The following TAMM41 variants were observed in gnomAD, a reference collection of about 807,000 sequenced individuals.
TAMM41 encodes the protein TAM41 mitochondrial translocator assembly and maintenance homolog.
Under a neutral mutation model 44.1 loss-of-function variants are expected in TAMM41, and 36 were observed. The ratio of observed to expected loss-of-function variants is 0.82; its 90% CI spans 0.63 to 1.08. The LOEUF (loss-of-function observed/expected upper bound fraction) is 1.08. TAMM41 is among the 50% of genes least tolerant of loss of function. The probability of loss-of-function intolerance (pLI) is 0.00; values close to 1 mark genes in which losing one functional copy is unlikely to be tolerated. For missense variants in TAMM41, 417 were observed against 404.3 expected (o/e 1.03, Z -0.27); for synonymous variants, 164 against 153.1 (o/e 1.07, Z -0.53).
chr3:11,766,344 T>G, the TAMM41 span, among the ~76,000 whole-genome samples: 1 of 151,998 alleles, frequency 6.6e-6, no homozygotes, highest in Admixed American at 6.6e-5. Flanking sequence ...TTCTGTATTT[T>G]TTTGTAGAGA....
At chr3:11,812,072 C>G (rs540490080) in intron 5 of TAMM41, among the ~76,000 whole-genome samples, 2 of 152,182 alleles carry the variant, frequency 1.3e-5, no homozygotes, top group African/African-American at 4.8e-5. Flanking sequence ...GGATTACAGG[C>G]GCACACCACC....
intron 5 of TAMM41, among the ~76,000 whole-genome samples, chr3:11,812,617 C>T (rs75743453): frequency 0.064 from 9,752 of 152,230 alleles, 543 homozygotes; most frequent in African/African-American, 0.14. Context: ...ACATAGTAAG[C>T]ATCCCATTAA....
the TAMM41 span, among the ~76,000 whole-genome samples, chr3:11,759,362 C>T: frequency 7.6e-4 from 116 of 151,836 alleles, no homozygotes; most frequent in African/African-American, 2.7e-3. Flanking sequence ...AGGCACTGCA[C>T]GAGGCCCTGT....
downstream of TAMM41, among the ~76,000 whole-genome samples, chr3:11,787,382 T>C (rs1025917392): frequency 3.9e-5 from 6 of 152,208 alleles, no homozygotes; most frequent in African/African-American, 1.4e-4. Context: ...GGTGTGGGCT[T>C]GTAAGTTCCA....
chr3:11,745,084 A>C, the TAMM41 span, among the ~76,000 whole-genome samples: 1 of 152,160 alleles, frequency 6.6e-6, no homozygotes, highest in Admixed American at 6.5e-5. Context: ...GCTGGTCTCC[A>C]ACTCCTGAAC....
chr3:11,792,871 C>A (rs1489958485), intron 7 of TAMM41, among the ~76,000 whole-genome samples: 1 of 151,988 alleles, frequency 6.6e-6, no homozygotes, highest in Non-Finnish European at 1.5e-5. Context: ...ACCAACCTGG[C>A]CAACATGGTG....
chr3:11,727,879 C>T, the TAMM41 span, among the ~76,000 whole-genome samples: 6 of 151,074 alleles, frequency 4.0e-5, no homozygotes, highest in African/African-American at 7.3e-5. Context: ...CTCCGCCTCC[C>T]GGGTTCAAGT....
At chr3:11,805,666 A>T (rs1401284369) in intron 7 of TAMM41, among the ~76,000 whole-genome samples, 2 of 152,216 alleles carry the variant, frequency 1.3e-5, no homozygotes, top group Non-Finnish European at 2.9e-5. Flanking sequence ...TGAGACACTG[A>T]GAGGTGTGAC....
intron 2 of TAMM41, among the ~76,000 whole-genome samples, chr3:11,841,073 ATTTTTTTTTTTTTTTTTT>A (rs141805597): frequency 1.2e-5 from 1 of 83,964 alleles, no homozygotes; most frequent in African/African-American, 4.4e-5. Context: ...GCCCATTTCT[ATTTTTTTTTTTTTTTTTT>A]TTTTTTTTTG....
chr3:11,777,913 T>TAAGCCCCC, the TAMM41 span, among the ~76,000 whole-genome samples: 1 of 152,140 alleles, frequency 6.6e-6, no homozygotes, highest in African/African-American at 2.4e-5. Context: ...GCTTCACTCC[T>TAAGCCCCC]AAGCCCCCAA....
At chr3:11,741,349 C>T in the TAMM41 span, among the ~76,000 whole-genome samples, 1 of 149,524 alleles carries the variant, frequency 6.7e-6, no homozygotes. Context: ...TGAATTCACT[C>T]CTTTAAGCAC....
At chr3:11,827,134 G>C (rs1390118107) in intron 4 of TAMM41, among the ~76,000 whole-genome samples, 1 of 152,110 alleles carries the variant, frequency 6.6e-6, no homozygotes, top group African/African-American at 2.4e-5. Context: ...TAATTTGCTT[G>C]ATAAATATTA....
chr3:11,823,107 T>C (rs1270479114), intron 4 of TAMM41, among the ~76,000 whole-genome samples: 1 of 152,226 alleles, frequency 6.6e-6, no homozygotes, highest in Non-Finnish European at 1.5e-5. Context: ...TTTGTATTGA[T>C]GTTTCCATTT....
chr3:11,756,883 A>T, the TAMM41 span, among the ~76,000 whole-genome samples: 1 of 151,868 alleles, frequency 6.6e-6, no homozygotes, highest in South Asian at 2.1e-4. Context: ...AAAAAAAGAA[A>T]AAAGAAATCC....
chr3:11,846,488 C>A lies in TAMM41; in HGVS notation c.135+14G>T. The stretch of plus-strand genomic sequence containing the variant: ...GAACAGACAGTTCCCCGTCGTGGGG[C>A]TGCCCGGGCTCACCTTCTGGTCTGA... On this transcript the variant is annotated intron_variant, in intron 1 of 7. Coordinates refer to ENST00000455809, the MANE Select transcript of TAMM41 (RefSeq NM_001284401.2). The A allele has an allele frequency of 6.2e-7, 1 of 1,614,056 alleles. No homozygotes were observed. Among genetic ancestry groups the A allele is most frequent in the Non-Finnish European group, 8.5e-7 (1 of 1,179,968 alleles).
chr3:11,756,937 A>G, the TAMM41 span, among the ~76,000 whole-genome samples: 1 of 152,124 alleles, frequency 6.6e-6, no homozygotes, highest in African/African-American at 2.4e-5. Flanking sequence ...AATGGACTCC[A>G]TTTCCTGTCA....
chr3:11,829,661 C>T, intron 4 of TAMM41, 53 bp downstream of exon 4: 2 of 1,599,192 alleles, frequency 1.3e-6, no homozygotes, highest in Non-Finnish European at 1.7e-6. Context: ...TATCCGCAGT[C>T]TTCAAATATA....
intron 7 of TAMM41, among the ~76,000 whole-genome samples, chr3:11,801,085 C>T (rs932152598): frequency 1.6e-4 from 21 of 132,126 alleles, no homozygotes; most frequent in African/African-American, 6.6e-4. Context: ...GAGCAAGACC[C>T]TGTCTCAAGA....
chr3:11,818,904 A>AG (rs1393113576), intron 4 of TAMM41, among the ~76,000 whole-genome samples: 1 of 151,892 alleles, frequency 6.6e-6, no homozygotes, highest in Non-Finnish European at 1.5e-5. Flanking sequence ...TCTCAAAAAA[A>AG]AAAAAAAAAG....
Sources: allele counts gnomAD v4.1 joint callset (sites outside exome capture counted in the v4.1 genomes callset), GRCh38; gene constraint gnomAD v4.1.1; transcripts MANE v1.5; gene names NCBI Gene and HGNC (gene_info 2026-07-23, HGNC 2026-07-21).